The following SPAG17 variants were observed in gnomAD, a reference collection of about 807,000 sequenced individuals.
The protein encoded by SPAG17 is sperm associated antigen 17, also known as sperm-associated antigen 17.
In SPAG17, 169 loss-of-function variants were observed where a neutral mutation model predicts 273.6. The ratio of observed to expected loss-of-function variants is 0.62; its 90% CI spans 0.55 to 0.70. The LOEUF is 0.70. Among genes scored for constraint, SPAG17 ranks in the 30% least tolerant of loss-of-function variants. The pLI is 0.00. For missense variants in SPAG17, 2,557 were observed against 2,627.8 expected (o/e 0.97, Z 0.59); for synonymous variants, 825 against 873.2 (o/e 0.94, Z 0.97).
intron 28 of SPAG17, among the ~76,000 whole-genome samples, chr1:118,019,033 C>A (rs1301342765): frequency 0.021 from 1,951 of 95,110 alleles, 1 homozygote; most frequent in East Asian, 0.028. Flanking sequence ...GACCATGTCT[C>A]AAAAAAAAAA....
chr1:118,165,111 G>A (rs568969797), intron 1 of SPAG17, among the ~76,000 whole-genome samples: 2 of 152,296 alleles, frequency 1.3e-5, no homozygotes, highest in African/African-American at 2.4e-5. Context: ...CACAAGTAAT[G>A]CAATACTTGC....
intron 43 of SPAG17, among the ~76,000 whole-genome samples, chr1:117,980,207 G>A (rs747286632): frequency 6.6e-6 from 1 of 152,066 alleles, no homozygotes; most frequent in Non-Finnish European, 1.5e-5. Context: ...AGTCTTGTAT[G>A]GGGTAAATCT....
intron 48 of SPAG17, among the ~76,000 whole-genome samples, chr1:117,957,359 T>C (rs1652368253): frequency 6.6e-6 from 1 of 152,216 alleles, no homozygotes; most frequent in African/African-American, 2.4e-5. Flanking sequence ...GGTGGATTGC[T>C]TGAGCCCAGA....
At chr1:118,101,025 A>G (rs952199483) in intron 5 of SPAG17, among the ~76,000 whole-genome samples, 1 of 152,306 alleles carries the variant, frequency 6.6e-6, no homozygotes, top group East Asian at 1.9e-4. Flanking sequence ...TGTGCCCAAC[A>G]AGATAGTAAG....
intron 12 of SPAG17, 40 bp downstream of exon 12, chr1:118,086,631 C>T (rs777425932): frequency 6.5e-7 from 1 of 1,543,600 alleles, no homozygotes; most frequent in Admixed American, 1.7e-5. Flanking sequence ...AACACACTTT[C>T]CCACATCGGT....
In SPAG17 at chr1:117,988,144, G is replaced by A. The variant is rs1294390164; in HGVS notation, c.5582C>T (p.Pro1861Leu). ...QSLATPPKCPPDTFGKDFFEK... is the reference protein window; with the variant it reads ...QSLATPPKCPLDTFGKDFFEK... ...AAAGAAATCTTTACCAAATGTGTCT[G>A]GTGGGCATTTTGGAGGCGTAGCCAA... The change falls in exon 39 of 49, where the codon CCA becomes CTA. Residue 1861 changes from proline (P) to leucine (L), a missense_variant. By Grantham distance (98) the Pro-to-Leu change is moderately conservative. Coordinates refer to ENST00000336338, the MANE Select transcript of SPAG17 (RefSeq NM_206996.4). 1 of 1,607,952 alleles carries A rather than the reference G, an allele frequency of 6.2e-7. No homozygotes were observed. The highest frequency in any genetic ancestry group is 1.3e-5 in the African/African-American group (1 of 74,714).
intron 13 of SPAG17, 149 bp downstream of exon 13, chr1:118,085,773 A>T: frequency 3.1e-6 from 2 of 645,776 alleles, no homozygotes; most frequent in Non-Finnish European, 2.5e-6. Context: ...TTCAAACAAG[A>T]AAGTTGTAGT....
At chr1:118,009,722 T>C (rs10923466) in intron 30 of SPAG17, among the ~76,000 whole-genome samples, 9,611 of 152,182 alleles carry the variant, frequency 0.063, 515 homozygotes, top group East Asian at 0.31. Context: ...ACTAGAGCTG[T>C]TATCACTCCC....
At chr1:117,992,725 T>C in intron 35 of SPAG17, 77 bp from the exon 36 acceptor site, 2 of 1,243,814 alleles carry the variant, frequency 1.6e-6, no homozygotes, top group Non-Finnish European at 1.1e-6. Context: ...TAACTGTTCA[T>C]TTATTACATA....
At chr1:118,079,616 T>C (rs140647635) in intron 15 of SPAG17, among the ~76,000 whole-genome samples, 179 of 152,196 alleles carry the variant, frequency 1.2e-3, no homozygotes, top group African/African-American at 3.4e-3. Context: ...TTCCTTGATT[T>C]AATATTTTTT....
chr1:117,979,361 T>C lies in SPAG17; in HGVS notation c.6004+1909A>G, dbSNP rs369953919. On this transcript the variant is annotated intron_variant, in intron 43 of 48. Transcript: ENST00000336338. ...ACCTAAGAATCATCCTTGATTCCTC[T>C]TTTTGTCTCACTCCTGCATCCTCTT... Among the ~76,000 whole-genome samples, 187 of 152,332 alleles carry C rather than the reference T, an allele frequency of 1.2e-3. 4 individuals are homozygous for C. The South Asian group carries it at 0.036, about 30-fold the overall frequency.
intron 1 of SPAG17, among the ~76,000 whole-genome samples, chr1:118,165,470 G>T (rs965505247): frequency 3.3e-5 from 5 of 151,930 alleles, no homozygotes; most frequent in African/African-American, 9.7e-5. Flanking sequence ...AGACAACGAC[G>T]CTACTTCATC....
At chr1:117,957,298 C>G in intron 48 of SPAG17, 1 of 1,383,992 alleles carries the variant, frequency 7.2e-7, no homozygotes, top group Non-Finnish European at 9.6e-7. Context: ...AATAGTATGC[C>G]GAACTCGGTG....
chr1:118,103,114 C>A (rs1371259151), intron 4 of SPAG17, among the ~76,000 whole-genome samples: 1 of 152,086 alleles, frequency 6.6e-6, no homozygotes, highest in African/African-American at 2.4e-5. Context: ...CTGGCTAGAG[C>A]ATATGTAAAT....
intron 1 of SPAG17, among the ~76,000 whole-genome samples, chr1:118,174,828 AG>A (rs1369600272): frequency 6.6e-6 from 1 of 152,214 alleles, no homozygotes; most frequent in Admixed American, 6.5e-5. Context: ...AAGTGCTGAA[AG>A]AAAAAGACTG....
At chr1:118,049,379 T>G (rs1468990078) in intron 20 of SPAG17, among the ~76,000 whole-genome samples, 1 of 152,198 alleles carries the variant, frequency 6.6e-6, no homozygotes, top group Non-Finnish European at 1.5e-5. Flanking sequence ...TTCCTCATGA[T>G]TAAGTGTGAT....
chr1:118,002,996 C>A (rs113393439), intron 32 of SPAG17, among the ~76,000 whole-genome samples: 2 of 152,068 alleles, frequency 1.3e-5, no homozygotes, highest in African/African-American at 2.4e-5. Context: ...GTGCTTCCTT[C>A]GGGTGCTCTT....
intron 3 of SPAG17, among the ~76,000 whole-genome samples, chr1:118,135,260 G>C (rs1217468949): frequency 6.6e-6 from 1 of 152,136 alleles, no homozygotes; most frequent in Non-Finnish European, 1.5e-5. Flanking sequence ...TAGTTCACTA[G>C]TTCAGAAAAA....
At chr1:118,161,645 C>G (rs1659924216) in intron 1 of SPAG17, among the ~76,000 whole-genome samples, 1 of 152,178 alleles carries the variant, frequency 6.6e-6, no homozygotes. Flanking sequence ...TTACGCCATT[C>G]TCCTGCCTCA....
Sources: allele counts gnomAD v4.1 joint callset (sites outside exome capture counted in the v4.1 genomes callset), GRCh38; gene constraint gnomAD v4.1.1; transcripts MANE v1.5; gene names NCBI Gene and HGNC (gene_info 2026-07-23, HGNC 2026-07-21).